Variants in UNC79 observed in about 807,000 individuals in gnomAD.
UNC79 encodes protein unc-79 homolog.
In UNC79, 37 loss-of-function variants were observed where a neutral mutation model predicts 283.1. The ratio of observed to expected loss-of-function variants is 0.13; its 90% CI spans 0.10 to 0.17. UNC79 has a LOEUF of 0.17. Ranked by LOEUF, UNC79 falls within the 10% of genes least tolerant of loss-of-function variation. The pLI, the probability that UNC79 is intolerant of heterozygous loss-of-function variation, is 1.00. For missense variants in UNC79, 2,272 were observed against 3,211.1 expected, an observed-to-expected ratio of 0.71 and a Z score of 7.07; for synonymous variants, 1,107 against 1,200.2, an observed-to-expected ratio of 0.92 and a Z score of 1.61.
At chr14:93,633,590 A>C (rs902353815) in intron 31 of UNC79, among the ~76,000 whole-genome samples, 1 of 152,106 alleles carries the variant, frequency 6.6e-6, no homozygotes, top group African/African-American at 2.4e-5. Context: ...CAAATATACA[A>C]GGTATTTGGG....
At chr14:93,387,440 C>A (rs1402515571) in intron 1 of UNC79, among the ~76,000 whole-genome samples, 1 of 152,018 alleles carries the variant, frequency 6.6e-6, no homozygotes, top group Non-Finnish European at 1.5e-5. Flanking sequence ...TGCTATGTTG[C>A]CATTAGCATT....
chr14:93,704,125 G>A (rs965431470), intron 47 of UNC79, among the ~76,000 whole-genome samples: 1 of 152,166 alleles, frequency 6.6e-6, no homozygotes. Flanking sequence ...GCAGACACCC[G>A]GCTCAGTCTC....
chr14:93,485,722 A>G (rs2058383648), intron 4 of UNC79, among the ~76,000 whole-genome samples: 1 of 152,176 alleles, frequency 6.6e-6, no homozygotes, highest in African/African-American at 2.4e-5. Flanking sequence ...TAAGTTGTGG[A>G]GCCAAACTAG....
intron 32 of UNC79, among the ~76,000 whole-genome samples, chr14:93,640,893 C>G (rs555985656): frequency 6.6e-6 from 1 of 152,238 alleles, no homozygotes; most frequent in South Asian, 2.1e-4. Flanking sequence ...CACCTGAGCT[C>G]TTTCTGATTT....
In UNC79 at chr14:93,695,890, CAA is replaced by C. The variant is rs535235954; in HGVS notation, c.7548+1497_7548+1498del. Among the ~76,000 whole-genome samples the C allele has an allele frequency of 1.8e-3, 71 of 39,438 alleles. 5 individuals are homozygous for C. Among genetic ancestry groups the C allele is most frequent in the Non-Finnish European group, 2.5e-3 (53 of 21,454 alleles). 25.9% of individuals were successfully genotyped at this position (39,438 alleles called of 152,430 possible). On this transcript the variant is annotated intron_variant, in intron 47 of 48. Coordinates refer to ENST00000555664, the Ensembl canonical transcript of UNC79. ...TGGGCAACAGGATGAGACTTTGTCT[CAA>C]AAAAAAAAAAAAAAAAAAGCAAACA... is the stretch of plus-strand genomic sequence containing the variant.
At chr14:93,587,956 G>C (rs1437442034) in intron 22 of UNC79, among the ~76,000 whole-genome samples, 1 of 152,212 alleles carries the variant, frequency 6.6e-6, no homozygotes. Context: ...CATTGGTAGA[G>C]ATTTGAGATG....
chr14:93,368,854 A>G (rs552864484), intron 1 of UNC79, among the ~76,000 whole-genome samples: 1 of 152,242 alleles, frequency 6.6e-6, no homozygotes, highest in Non-Finnish European at 1.5e-5. Flanking sequence ...ATTGTAAACA[A>G]GTGAACCTGA....
At chr14:93,651,241 C>T (rs2070221838) in intron 35 of UNC79, among the ~76,000 whole-genome samples, 1 of 152,104 alleles carries the variant, frequency 6.6e-6, no homozygotes, top group South Asian at 2.1e-4. Context: ...ATTTAGTTAT[C>T]TTTTTCAAGA....
At chr14:93,350,635 T>C (rs1300780376) in intron 1 of UNC79, among the ~76,000 whole-genome samples, 1 of 152,198 alleles carries the variant, frequency 6.6e-6, no homozygotes, top group African/African-American at 2.4e-5. Flanking sequence ...TTACTTAAGG[T>C]ATTGCTTTGC....
At chr14:93,468,075 T>A (rs991427344) in intron 2 of UNC79, among the ~76,000 whole-genome samples, 1 of 152,022 alleles carries the variant, frequency 6.6e-6, no homozygotes, top group Non-Finnish European at 1.5e-5. Flanking sequence ...TAATATAGAG[T>A]GGGATTAAAA....
intron 11 of UNC79, among the ~76,000 whole-genome samples, chr14:93,537,162 G>A (rs1262510486): frequency 1.3e-5 from 2 of 152,146 alleles, no homozygotes; most frequent in African/African-American, 2.4e-5. Context: ...TGTGGTGGTC[G>A]CATCTCTCAT....
chr14:93,480,120 C>T (rs1446887200), intron 4 of UNC79, among the ~76,000 whole-genome samples: 1 of 152,136 alleles, frequency 6.6e-6, no homozygotes, highest in Non-Finnish European at 1.5e-5. Flanking sequence ...AAACACAGAT[C>T]CCAAAACATG....
At position 93,580,634 on chromosome 14, in the gene UNC79, C is replaced by T. The variant is rs1338830030; in HGVS notation, c.2661+258C>T. 2.0e-5 allele frequency among the ~76,000 whole-genome samples: 3 copies of T among 152,170 alleles called. No homozygotes were observed. In the South Asian group the frequency reaches 6.2e-4, roughly 32 times the overall value. ...GCACCTCCATTCATATGGTTCCATGCATTAGTAGTATTCTTAAAAGAACTT... is the reference window on the plus strand; with the variant it reads ...GCACCTCCATTCATATGGTTCCATGTATTAGTAGTATTCTTAAAAGAACTT... On this transcript the variant is annotated intron_variant, in intron 19 of 48. Transcript: ENST00000555664.
intron 43 of UNC79, among the ~76,000 whole-genome samples, chr14:93,687,563 C>T (rs1279509244): frequency 6.6e-6 from 1 of 152,170 alleles, no homozygotes; most frequent in African/African-American, 2.4e-5. Flanking sequence ...AATATCATCC[C>T]TTAATCACTG....
intron 14 of UNC79, among the ~76,000 whole-genome samples, chr14:93,554,447 A>G (rs1239841602): frequency 1.3e-5 from 2 of 152,134 alleles, no homozygotes; most frequent in African/African-American, 4.8e-5. Flanking sequence ...CCTTTGCATT[A>G]GTATATTAAT....
rs544730935 is a variant in UNC79 at position 93,494,518 on chromosome 14, A to G, written c.713-1893A>G. On this transcript the variant is annotated intron_variant, in intron 5 of 48. Coordinates refer to ENST00000555664, the Ensembl canonical transcript of UNC79. ...ACCTAATAGGAGCTGGTAATTAGGT[A>G]GTTGTATTATGGGTCTGGAGCTCAG... 1.1e-4 allele frequency among the ~76,000 whole-genome samples: 16 copies of G among 152,308 alleles called. No homozygotes were observed. In the South Asian group the frequency reaches 3.1e-3, roughly 30 times the overall value.
At chr14:93,680,203 A>G (rs1596336923) in intron 41 of UNC79, among the ~76,000 whole-genome samples, 1 of 152,332 alleles carries the variant, frequency 6.6e-6, no homozygotes, top group South Asian at 2.1e-4. Context: ...GTGATTGCTA[A>G]CCATGCTGAA....
intron 4 of UNC79, among the ~76,000 whole-genome samples, chr14:93,479,608 C>T (rs914337098): frequency 3.9e-5 from 6 of 152,116 alleles, no homozygotes; most frequent in Middle Eastern, 6.8e-3. Context: ...TCCTCCTTCC[C>T]TTCCTCCCTT....
intron 47 of UNC79, 76 bp downstream of exon 50, chr14:93,694,488 TC>T: frequency 7.3e-7 from 1 of 1,362,032 alleles, no homozygotes. Context: ...GAAGGTACTT[TC>T]TGAAGATAAT....
Sources: allele counts gnomAD v4.1 joint callset (sites outside exome capture counted in the v4.1 genomes callset), GRCh38; gene constraint gnomAD v4.1.1; transcripts MANE v1.5; gene names NCBI Gene and HGNC (gene_info 2026-07-23, HGNC 2026-07-21).